The following TDRD7 variants were observed in gnomAD, a reference collection of about 807,000 sequenced individuals.
The protein encoded by TDRD7 is tudor domain-containing protein 7.
TDRD7 carries 47 observed loss-of-function variants against 109.8 expected under a neutral mutation model. That is an observed-to-expected ratio of 0.43 (90% confidence interval 0.34 to 0.55). TDRD7 has a LOEUF of 0.55. Ranked by LOEUF, TDRD7 falls within the 20% of genes least tolerant of loss-of-function variation. The pLI, the probability that TDRD7 is intolerant of heterozygous loss-of-function variation, is 0.03. For missense variants in TDRD7, 1,164 were observed against 1,319.2 expected (o/e 0.88, Z 1.82); for synonymous variants, 424 against 457.3 (o/e 0.93, Z 0.93).
At chr9:97,420,762 A>C (rs1827886027) in intron 1 of TDRD7, among the ~76,000 whole-genome samples, 1 of 152,196 alleles carries the variant, frequency 6.6e-6, no homozygotes. Flanking sequence ...CTGTGTGGAC[A>C]TATGTCATCA....
At chr9:97,454,646 AACAG>A (rs748179160) in intron 6 of TDRD7, among the ~76,000 whole-genome samples, 1 of 152,250 alleles carries the variant, frequency 6.6e-6, no homozygotes, top group Non-Finnish European at 1.5e-5. Flanking sequence ...AATAAGAACA[AACAG>A]ACAATGTACC....
intron 9 of TDRD7, 85 bp downstream of exon 9, chr9:97,470,754 T>A: frequency 1.0e-6 from 1 of 979,984 alleles, no homozygotes; most frequent in Non-Finnish European, 1.6e-6. Context: ...TAAAATGGAC[T>A]AAGTATCTCA....
At chr9:97,434,098 T>G (rs1201870835) in intron 4 of TDRD7, among the ~76,000 whole-genome samples, 1 of 152,186 alleles carries the variant, frequency 6.6e-6, no homozygotes, top group Admixed American at 6.6e-5. Flanking sequence ...AGCCAAGGCA[T>G]GGAATCAACT....
At chr9:97,483,777 A>G (rs1375201890) in intron 15 of TDRD7, among the ~76,000 whole-genome samples, 1 of 152,122 alleles carries the variant, frequency 6.6e-6, no homozygotes, top group Admixed American at 6.5e-5. Flanking sequence ...CTCTAATTTT[A>G]TATGTGCATA....
chr9:97,463,498 A>G (rs1587881000), intron 7 of TDRD7, among the ~76,000 whole-genome samples: 1 of 151,584 alleles, frequency 6.6e-6, no homozygotes, highest in Non-Finnish European at 1.5e-5. Context: ...TTAGAGCTGT[A>G]CAGGCCTACT....
At chr9:97,486,615 G>T (rs1829215823) in intron 15 of TDRD7, among the ~76,000 whole-genome samples, 1 of 152,068 alleles carries the variant, frequency 6.6e-6, no homozygotes, top group Admixed American at 6.6e-5. Context: ...TTCCTAGTCT[G>T]ACTTCTCTTC....
chr9:97,431,961 T>C, intron 3 of TDRD7, 64 bp from the exon 4 acceptor site: 1 of 1,383,178 alleles, frequency 7.2e-7, no homozygotes, highest in Non-Finnish European at 1.0e-6. Context: ...GTCAGGGGAG[T>C]GTCATAATGA....
intron 11 of TDRD7, among the ~76,000 whole-genome samples, chr9:97,473,933 C>T (rs1343820068): frequency 2.6e-5 from 4 of 152,178 alleles, no homozygotes; most frequent in African/African-American, 9.7e-5. Flanking sequence ...TTATAACATG[C>T]AGTTGATGAT....
In TDRD7 at chr9:97,472,501, A is replaced by G. The variant is rs765312782; in HGVS notation, c.1944+6A>G. ...CACTAGAGGTTCACCTGCAGGTACC[A>G]CTGTGATCACTGTTGTTGCTTGTTA... On this transcript the variant is annotated splice_donor_region_variant and intron_variant, in intron 10 of 16. Coordinates refer to ENST00000355295, the MANE Select transcript of TDRD7 (RefSeq NM_014290.3). 3.7e-6 allele frequency: 6 copies of G among 1,607,122 alleles called. No homozygotes were observed. In the African/African-American group the frequency reaches 6.7e-5, roughly 18 times the overall value.
rs766003026 is a variant in TDRD7, at chr9:97,483,157, A to G, written c.2721A>G (p.Leu907=). The change falls in exon 15 of 17, where the codon TTA becomes TTG. Residue 907 remains leucine, a synonymous_variant. Transcript: ENST00000355295. ...AGGAACTGCCACCTCCTGTCCACTT[A>G]TCAAAGCCAGGGGAACACATGGATG... ...STEELPPPVH[L]SKPGEHMDVY... is the part of the protein sequence containing the mutation. 6.2e-7 allele frequency: 1 copy of G among 1,614,178 alleles called. No individual in the cohort carries two copies.
At chr9:97,423,813 C>T (rs1034759270) in intron 1 of TDRD7, among the ~76,000 whole-genome samples, 3 of 152,180 alleles carry the variant, frequency 2.0e-5, no homozygotes, top group South Asian at 2.1e-4. Context: ...AGATTGTTCA[C>T]ATATCTTTGT....
At chr9:97,487,715 A>G (rs1312531432) in intron 16 of TDRD7, among the ~76,000 whole-genome samples, 1 of 152,066 alleles carries the variant, frequency 6.6e-6, no homozygotes, top group Non-Finnish European at 1.5e-5. Flanking sequence ...AATTCTATCT[A>G]ATCAATACTT....
chr9:97,418,386 C>A (rs562495198), intron 1 of TDRD7, among the ~76,000 whole-genome samples: 1 of 151,838 alleles, frequency 6.6e-6, no homozygotes, highest in Non-Finnish European at 1.5e-5. Flanking sequence ...ATGGAGGTCA[C>A]GAGACATCTG....
chr9:97,420,714 C>A (rs1203205273), intron 1 of TDRD7, among the ~76,000 whole-genome samples: 1 of 152,048 alleles, frequency 6.6e-6, no homozygotes, highest in Non-Finnish European at 1.5e-5. Flanking sequence ...GTTTGGGGGG[C>A]AATTATAAAT....
chr9:97,414,550 A>G lies in TDRD7; in HGVS notation c.-7+2312A>G, dbSNP rs1827780624. Among the ~76,000 whole-genome samples, 4 of 152,228 alleles carry G rather than the reference A, an allele frequency of 2.6e-5. No individual in the cohort carries two copies. In the South Asian group the frequency reaches 8.3e-4, roughly 32 times the overall value. The stretch of plus-strand genomic sequence containing the variant: ...GGTAATCAGTAGCGGAACTAGGATT[A>G]AGACACAAACTCCTTACTAAGCCAC... On this transcript the variant is annotated intron_variant, in intron 1 of 16. Transcript: ENST00000355295.
intron 5 of TDRD7, 117 bp from the exon 6 acceptor site, chr9:97,441,541 C>A: frequency 1.1e-6 from 1 of 880,536 alleles, no homozygotes; most frequent in East Asian, 2.7e-5. Flanking sequence ...CCTTCTAAGT[C>A]CTTTGGCTAC....
At chr9:97,421,682 C>T (rs958771753) in intron 1 of TDRD7, among the ~76,000 whole-genome samples, 2 of 150,156 alleles carry the variant, frequency 1.3e-5, no homozygotes, top group African/African-American at 4.9e-5. Flanking sequence ...CAGGCACGTG[C>T]GACTATGCCC....
chr9:97,491,717 G>T (rs1829312199), intron 16 of TDRD7, among the ~76,000 whole-genome samples: 1 of 152,182 alleles, frequency 6.6e-6, no homozygotes, highest in Non-Finnish European at 1.5e-5. Context: ...CCCCAGGAAG[G>T]TTAAGCTCTA....
rs775116846 is a variant in TDRD7 at position 97,478,477 on chromosome 9, G to A, written c.2205G>A (p.Gln735=). 10 of 1,614,068 alleles carry A rather than the reference G, an allele frequency of 6.2e-6. No homozygotes were observed. The highest frequency in any genetic ancestry group is 3.3e-5 in the Admixed American group (2 of 60,012). ...ACAGCAGCCGGGCTCTTGATGTTCA[G>A]TTCCTGGACTCTGGCACTGTGACAT... ...NVHSSRALDV[Q]FLDSGTVTSV... is the part of the protein sequence containing the mutation. The change falls in exon 13 of 17, where the codon CAG becomes CAA. Residue 735 remains glutamine (Q), a synonymous_variant. Transcript: ENST00000355295.
Sources: allele counts gnomAD v4.1 joint callset (sites outside exome capture counted in the v4.1 genomes callset), GRCh38; gene constraint gnomAD v4.1.1; transcripts MANE v1.5; gene names NCBI Gene and HGNC (gene_info 2026-07-23, HGNC 2026-07-21).